Variants in GAS2 observed in about 807,000 individuals in gnomAD.
GAS2 encodes the protein growth arrest specific 2.
Under a neutral mutation model 37.5 loss-of-function variants are expected in GAS2, and 20 were observed. The ratio of observed to expected loss-of-function variants is 0.53; its 90% CI spans 0.37 to 0.77. The LOEUF (loss-of-function observed/expected upper bound fraction) is 0.77, where lower values mean the gene tolerates loss of function less well. Ranked by LOEUF, GAS2 falls within the 30% of genes least tolerant of loss-of-function variation. The pLI, the probability that GAS2 is intolerant of heterozygous loss-of-function variation, is 0.00. For synonymous variants in GAS2, 144 were observed against 132.2 expected (o/e 1.09, Z -0.61); for missense variants, 336 against 373.4 (o/e 0.90, Z 0.82).
rs1564889708 is a variant in GAS2 at position 22,789,324 on chromosome 11, AC to A, written c.724-22473del. 1.3e-3 allele frequency among the ~76,000 whole-genome samples: 168 copies of A among 134,064 alleles called. 1 individual carries two copies. Among genetic ancestry groups the A allele is most frequent in the African/African-American group, 4.2e-3 (154 of 36,344 alleles). The allele number at this position is 134,064 out of a possible 152,430, so 88.0% of individuals were successfully genotyped here. A position where few individuals can be genotyped will look rare whatever the true frequency, so the allele number is the denominator to read the frequency against. ...TATATACACACACACACACACACAC[AC>A]ACACACAAACACACACACACACATA... On this transcript the variant is annotated intron_variant, in intron 7 of 7. Transcript: ENST00000454584.
chr11:22,685,809 A>G lies in GAS2; in HGVS notation c.267+20A>G. 6.2e-7 allele frequency: 1 copy of G among 1,606,994 alleles called. No individual in the cohort carries two copies. The highest frequency in any genetic ancestry group is 1.1e-5 in the South Asian group (1 of 89,068). On this transcript the variant is annotated intron_variant, in intron 3 of 7. Transcript: ENST00000454584. ...ACAAAGGTAAAAGATCCCAATGCAA[A>G]AATCACTCTTAGGTGGTAGATTACA... is the stretch of plus-strand genomic sequence containing the variant.
chr11:22,750,462 G>C (rs1241347168), intron 6 of GAS2, among the ~76,000 whole-genome samples: 1 of 151,998 alleles, frequency 6.6e-6, no homozygotes, highest in African/African-American at 2.4e-5. Flanking sequence ...AGCTCTTAAA[G>C]GTATCTTAGC....
chr11:22,639,907 G>A (rs1032769876), intron 1 of GAS2, among the ~76,000 whole-genome samples: 1 of 152,118 alleles, frequency 6.6e-6, no homozygotes, highest in Admixed American at 6.6e-5. Flanking sequence ...ATGAGGTCTG[G>A]GAAGTGAGTG....
At chr11:22,669,944 G>A (rs932113795) in intron 1 of GAS2, among the ~76,000 whole-genome samples, 1 of 152,076 alleles carries the variant, frequency 6.6e-6, no homozygotes, top group African/African-American at 2.4e-5. Flanking sequence ...TGTATATTTT[G>A]TGAGATACTA....
intron 3 of GAS2, among the ~76,000 whole-genome samples, chr11:22,716,127 G>A (rs934904576): frequency 6.6e-6 from 1 of 152,044 alleles, no homozygotes; most frequent in Non-Finnish European, 1.5e-5. Context: ...AAAGCATTTG[G>A]CAATAATCCA....
At chr11:22,737,544 G>T (rs1463264628) in intron 4 of GAS2, among the ~76,000 whole-genome samples, 161 bp from the exon 5 acceptor site, 1 of 152,118 alleles carries the variant, frequency 6.6e-6, no homozygotes, top group Non-Finnish European at 1.5e-5. Flanking sequence ...GCCTTTAGTA[G>T]AGCTAGATGT....
At chr11:22,750,896 G>C (rs535943583) in intron 6 of GAS2, among the ~76,000 whole-genome samples, 1 of 151,826 alleles carries the variant, frequency 6.6e-6, no homozygotes, top group South Asian at 2.1e-4. Flanking sequence ...GACCACTAAA[G>C]AGTATCTGGC....
At chr11:22,753,587 A>G (rs1376118778) in intron 6 of GAS2, among the ~76,000 whole-genome samples, 1 of 152,078 alleles carries the variant, frequency 6.6e-6, no homozygotes, top group African/African-American at 2.4e-5. Context: ...TGTGCCAAGC[A>G]TGATCCTCCT....
chr11:22,733,317 A>G (rs938489083), intron 4 of GAS2, among the ~76,000 whole-genome samples: 2 of 151,762 alleles, frequency 1.3e-5, no homozygotes, highest in Admixed American at 6.6e-5. Context: ...GTAGGCAGCC[A>G]TTAATTTATA....
chr11:22,784,998 C>G (rs1035799333), intron 7 of GAS2, among the ~76,000 whole-genome samples: 7 of 152,108 alleles, frequency 4.6e-5, no homozygotes, highest in South Asian at 2.1e-4. Flanking sequence ...CACCTTCAGT[C>G]TTAGAGGACA....
intron 3 of GAS2, among the ~76,000 whole-genome samples, chr11:22,725,026 A>C (rs1280794217): frequency 6.6e-6 from 1 of 152,058 alleles, no homozygotes; most frequent in African/African-American, 2.4e-5. Flanking sequence ...TTTAAATCAC[A>C]AAGTGCTTCT....
intron 1 of GAS2, among the ~76,000 whole-genome samples, chr11:22,657,665 C>T (rs1037486709): frequency 1.3e-5 from 2 of 152,040 alleles, no homozygotes; most frequent in African/African-American, 2.4e-5. Context: ...CATGTTTGCT[C>T]CTGAACAGAA....
chr11:22,674,850 G>A lies in GAS2; in HGVS notation c.-20G>A. On this transcript the variant is annotated splice_region_variant and 5_prime_UTR_variant, in exon 2 of 8. Coordinates refer to ENST00000454584, the MANE Select transcript of GAS2 (RefSeq NM_001143830.3). ...AATTGCTCTTTTGTTTCCAAAACAGGTATTACAAGTGGATAAATAATGTGC... is the reference window on the plus strand; with the variant it reads ...AATTGCTCTTTTGTTTCCAAAACAGATATTACAAGTGGATAAATAATGTGC... 1 of 1,563,570 alleles carries A rather than the reference G, an allele frequency of 6.4e-7. No individual in the cohort carries two copies. The highest frequency in any genetic ancestry group is 8.7e-7 in the Non-Finnish European group (1 of 1,155,942).
intron 7 of GAS2, among the ~76,000 whole-genome samples, chr11:22,803,841 T>C (rs1459946652): frequency 1.3e-5 from 2 of 152,054 alleles, no homozygotes; most frequent in Non-Finnish European, 2.9e-5. Context: ...GCAATTGCAA[T>C]ATTGTGGGAT....
intron 1 of GAS2, among the ~76,000 whole-genome samples, chr11:22,657,891 T>G (rs1309118296): frequency 6.6e-6 from 1 of 152,216 alleles, no homozygotes; most frequent in African/African-American, 2.4e-5. Context: ...CACACAGTTA[T>G]GCAACAACTG....
intron 1 of GAS2, among the ~76,000 whole-genome samples, chr11:22,632,012 CT>C (rs1858751444): frequency 7.3e-6 from 1 of 136,894 alleles, no homozygotes; most frequent in Non-Finnish European, 1.5e-5. Context: ...TTATGATTGG[CT>C]TATTCAGGAT....
intron 3 of GAS2, among the ~76,000 whole-genome samples, chr11:22,690,490 C>T (rs1850190251): frequency 6.6e-6 from 1 of 152,134 alleles, no homozygotes; most frequent in Non-Finnish European, 1.5e-5. Flanking sequence ...GCAGAGACTT[C>T]ACAGACTAGG....
intron 2 of GAS2, among the ~76,000 whole-genome samples, chr11:22,683,468 G>T (rs567359023): frequency 3.9e-5 from 6 of 152,052 alleles, no homozygotes; most frequent in Admixed American, 1.3e-4. Context: ...GTTTCACCAA[G>T]TTAGCCAAGT....
At chr11:22,636,201 CT>C (rs1858819116) in intron 1 of GAS2, among the ~76,000 whole-genome samples, 1 of 152,104 alleles carries the variant, frequency 6.6e-6, no homozygotes, top group African/African-American at 2.4e-5. Context: ...AGTATTTTGT[CT>C]TTCTAAGTGG....
Sources: gnomAD v4.1 joint callset for allele counts (sites outside exome capture counted in the v4.1 genomes callset) on GRCh38, gnomAD v4.1.1 for gene constraint, MANE v1.5 for transcripts, NCBI Gene and HGNC (gene_info 2026-07-23, HGNC 2026-07-21) for gene names.